The following ANK2 variants were observed in gnomAD, a reference collection of about 807,000 sequenced individuals.
ANK2 encodes ankyrin 2, also known as ankyrin-2.
In ANK2, 83 loss-of-function variants were observed where a neutral mutation model predicts 360.5. The observed-to-expected ratio is 0.23, with a 90% CI of 0.19 to 0.28. The LOEUF is 0.28. ANK2 is among the 10% of genes least tolerant of loss of function. The pLI is 1.00. For missense variants in ANK2, 4,201 were observed against 4,795.7 expected (o/e 0.88, Z 3.66); for synonymous variants, 1,740 against 1,759.5 (o/e 0.99, Z 0.28).
chr4:113,181,098 T>G (rs559685227), intron 2 of ANK2, among the ~76,000 whole-genome samples: 8 of 152,356 alleles, frequency 5.3e-5, no homozygotes. Context: ...TTTCATCAAC[T>G]ACTTGCCCCC....
In ANK2 at chr4:113,139,145, T is replaced by G. The variant is rs549688714; in HGVS notation, c.85-35271T>G. Among the ~76,000 whole-genome samples the G allele has an allele frequency of 2.0e-5, 3 of 152,292 alleles. No individual in the cohort carries two copies. In the South Asian group the frequency reaches 6.2e-4, roughly 32 times the overall value. Reference sequence around the variant, plus strand: ...ATAGATAGATAGGTCTGGACAACCATGGCGTGCAACATATAGAACCTAGCC... The same window carrying G: ...ATAGATAGATAGGTCTGGACAACCAGGGCGTGCAACATATAGAACCTAGCC... On this transcript the variant is annotated intron_variant, in intron 1 of 45. Transcript: ENST00000357077.
At chr4:112,838,618 A>G (rs576520069) in intron 1 of ANK2, among the ~76,000 whole-genome samples, 1 of 152,352 alleles carries the variant, frequency 6.6e-6, no homozygotes, top group South Asian at 2.1e-4. Flanking sequence ...CTGTAATCCC[A>G]GCACTTTGGG....
At chr4:112,881,947 A>C in intron 1 of ANK2, 1 of 640,930 alleles carries the variant, frequency 1.6e-6, no homozygotes, top group South Asian at 1.6e-5. Context: ...GCTGCCATCT[A>C]CCTCCTCCAC....
At chr4:113,297,953 T>G (rs2072781431) in intron 22 of ANK2, among the ~76,000 whole-genome samples, 1 of 152,018 alleles carries the variant, frequency 6.6e-6, no homozygotes, top group South Asian at 2.1e-4. Context: ...CCTGGCTAAT[T>G]TTTGTATTGT....
intron 1 of ANK2, among the ~76,000 whole-genome samples, chr4:112,860,706 T>A (rs1055690329): frequency 6.6e-6 from 1 of 152,114 alleles, no homozygotes; most frequent in Non-Finnish European, 1.5e-5. Flanking sequence ...GTTTAATGAG[T>A]ACCAGTGGAA....
intron 1 of ANK2, among the ~76,000 whole-genome samples, chr4:113,154,942 C>A (rs1394705085): frequency 2.6e-5 from 4 of 152,174 alleles, no homozygotes; most frequent in African/African-American, 9.7e-5. Context: ...TGGTCTTAAC[C>A]ACTTCATCTG....
chr4:113,074,660 T>C (rs998458214), intron 1 of ANK2, among the ~76,000 whole-genome samples: 1 of 152,134 alleles, frequency 6.6e-6, no homozygotes, highest in Non-Finnish European at 1.5e-5. Flanking sequence ...AGACTCTCAA[T>C]GTGTAAAATT....
intron 1 of ANK2, among the ~76,000 whole-genome samples, chr4:113,065,304 G>T (rs1292669784): frequency 1.3e-5 from 2 of 152,082 alleles, no homozygotes; most frequent in African/African-American, 4.8e-5. Flanking sequence ...GGAACATATA[G>T]ATATCACCTA....
At chr4:113,140,842 G>A (rs1037986232) in intron 1 of ANK2, among the ~76,000 whole-genome samples, 8 of 152,106 alleles carry the variant, frequency 5.3e-5, no homozygotes, top group African/African-American at 1.9e-4. Context: ...GCCAGGCGTG[G>A]TGGTGCACGC....
At chr4:112,857,892 C>T (rs998603100) in intron 1 of ANK2, among the ~76,000 whole-genome samples, 2 of 152,118 alleles carry the variant, frequency 1.3e-5, no homozygotes, top group African/African-American at 4.8e-5. Flanking sequence ...TTCTAATGAG[C>T]TCCTGAGTGA....
chr4:113,346,770 GAAATACAT>G (rs1287104852), intron 35 of ANK2, among the ~76,000 whole-genome samples: 1 of 152,124 alleles, frequency 6.6e-6, no homozygotes, highest in Non-Finnish European at 1.5e-5. Context: ...TTGAAAAGGA[GAAATACAT>G]TAATTTCTGA....
chr4:113,175,267 T>C (rs904957859), intron 2 of ANK2, among the ~76,000 whole-genome samples: 3 of 152,240 alleles, frequency 2.0e-5, no homozygotes, highest in African/African-American at 7.2e-5. Context: ...TTCTAAATTA[T>C]ATATAAATTC....
chr4:113,151,354 C>A (rs908349088), intron 1 of ANK2: 1 of 319,058 alleles, frequency 3.1e-6, no homozygotes, highest in Non-Finnish European at 5.9e-6. Context: ...AGAAGCATTG[C>A]ACCAGCATCT....
the ANK2 span, among the ~76,000 whole-genome samples, chr4:112,710,055 T>C: frequency 5.9e-5 from 9 of 152,224 alleles, no homozygotes; most frequent in Admixed American, 5.2e-4. Context: ...GAGCCAAGCA[T>C]GGTGCTGAGC....
chr4:113,356,330 A>G lies in ANK2; in HGVS notation c.7712A>G (p.Glu2571Gly), dbSNP rs1224924539. The change falls in exon 38 of 46, where the codon GAG (glutamate) becomes GGG (glycine). Residue 2571 changes from glutamate (E) to glycine (G), a missense_variant. Glu to Gly is a moderately conservative substitution (Grantham distance 98, BLOSUM62 -2). This residue lies in a region of ANK2 where 2,642 missense variants were observed against 2,714.5 expected (regional missense o/e 0.97). Coordinates refer to ENST00000357077, the MANE Select transcript of ANK2 (RefSeq NM_001148.6). ...KPAVIHECAE[E>G]DDSENGEKKR... is the part of the protein sequence containing the mutation. ...GCTGTGATTCATGAATGTGCAGAGG[A>G]GGATGATTCAGAAAACGGGGAGAAA... 2 of 1,614,154 alleles carry G rather than the reference A, an allele frequency of 1.2e-6. No individual in the cohort carries two copies. The highest frequency in any genetic ancestry group is 1.7e-6 in the Non-Finnish European group (2 of 1,179,992).
At chr4:112,709,364 T>C in the ANK2 span, among the ~76,000 whole-genome samples, 1 of 152,214 alleles carries the variant, frequency 6.6e-6, no homozygotes, top group East Asian at 1.9e-4. Flanking sequence ...GTATATGTCA[T>C]ATACATTAAA....
At chr4:113,372,436 TAA>T in intron 43 of ANK2, 2 of 749,156 alleles carry the variant, frequency 2.7e-6, no homozygotes, top group South Asian at 3.6e-5. Context: ...CCTCCATGAA[TAA>T]AAGTTTCACA....
Position 113,244,838 on chromosome 4 carries a change from T to A in ANK2, c.891+2629T>A, listed in dbSNP as rs1018944791. Among the ~76,000 whole-genome samples the A allele has an allele frequency of 7.2e-5, 11 of 152,148 alleles. 1 individual carries two copies. The highest frequency in any genetic ancestry group is 1.2e-4 in the Non-Finnish European group (8 of 68,028). ...TGTCCATGTGTTCTCATTGTTCAACTCCCACCTATGATCGAGACCATGTGG... is the reference window on the plus strand; with the variant it reads ...TGTCCATGTGTTCTCATTGTTCAACACCCACCTATGATCGAGACCATGTGG... On this transcript the variant is annotated intron_variant, in intron 9 of 45. Coordinates refer to ENST00000357077, the MANE Select transcript of ANK2 (RefSeq NM_001148.6).
intron 2 of ANK2, among the ~76,000 whole-genome samples, chr4:113,189,642 G>A (rs1444791417): frequency 6.6e-6 from 1 of 152,184 alleles, no homozygotes; most frequent in African/African-American, 2.4e-5. Context: ...CAGGAGGATA[G>A]GGCACACACT....
Sources: allele counts gnomAD v4.1 joint callset (sites outside exome capture counted in the v4.1 genomes callset), GRCh38; gene constraint gnomAD v4.1.1; regional missense constraint gnomAD v4.1.1; transcripts MANE v1.5; gene names NCBI Gene and HGNC (gene_info 2026-07-23, HGNC 2026-07-21).